Variants in WDPCP observed in about 807,000 individuals in gnomAD.
The protein encoded by WDPCP is WD repeat-containing and planar cell polarity effector protein fritz homolog.
Under a neutral mutation model 93.1 loss-of-function variants are expected in WDPCP, and 71 were observed. The ratio of observed to expected loss-of-function variants is 0.76; its 90% CI spans 0.63 to 0.93. WDPCP has a LOEUF of 0.93. Among genes scored for constraint, WDPCP ranks in the 40% least tolerant of loss-of-function variants. The pLI is 0.00. For synonymous variants in WDPCP, 315 were observed against 315.0 expected (o/e 1.00, Z 0.00); for missense variants, 844 against 887.4 (o/e 0.95, Z 0.62).
At chr2:63,840,264 G>GTAACAGTCCT in the WDPCP span, among the ~76,000 whole-genome samples, 1 of 152,216 alleles carries the variant, frequency 6.6e-6, no homozygotes, top group Non-Finnish European at 1.5e-5. Flanking sequence ...GACAAGCCGT[G>GTAACAGTCCT]GGCTGGCCCT....
chr2:63,761,449 C>G (rs921027520), intron 2 of WDPCP, among the ~76,000 whole-genome samples: 1 of 152,142 alleles, frequency 6.6e-6, no homozygotes, highest in African/African-American at 2.4e-5. Context: ...TGATATTCTT[C>G]CTTTTTCTAG....
intron 3 of WDPCP, chr2:63,599,038 A>G: frequency 2.9e-6 from 2 of 686,126 alleles, no homozygotes; most frequent in South Asian, 3.5e-5. Flanking sequence ...TTCCTATGCT[A>G]TATTGTATTT....
intron 12 of WDPCP, among the ~76,000 whole-genome samples, chr2:63,329,045 TAAG>T (rs1246024777): frequency 5.9e-5 from 9 of 152,224 alleles, no homozygotes; most frequent in Admixed American, 2.6e-4. Flanking sequence ...ACTTTCATGA[TAAG>T]AACACTTAAG....
intron 9 of WDPCP, among the ~76,000 whole-genome samples, chr2:63,406,954 C>T (rs1433738804): frequency 1.3e-5 from 2 of 152,128 alleles, no homozygotes; most frequent in East Asian, 3.8e-4. Context: ...TTCTCAATTT[C>T]CTTCAGCTTT....
At chr2:63,509,373 C>T (rs950612049) in intron 1 of WDPCP, among the ~76,000 whole-genome samples, 3 of 152,268 alleles carry the variant, frequency 2.0e-5, no homozygotes, top group African/African-American at 7.2e-5. Context: ...TAAATAAGTT[C>T]TTTGAAACCA....
intron 12 of WDPCP, among the ~76,000 whole-genome samples, chr2:63,372,984 A>T (rs1691528457): frequency 6.6e-6 from 1 of 152,052 alleles, no homozygotes; most frequent in Non-Finnish European, 1.5e-5. Flanking sequence ...TTAGCCGGGC[A>T]TGGTGGCGCA....
At chr2:63,361,717 GT>G (rs1388048227) in intron 12 of WDPCP, among the ~76,000 whole-genome samples, 1 of 152,100 alleles carries the variant, frequency 6.6e-6, no homozygotes, top group Non-Finnish European at 1.5e-5. Flanking sequence ...TGTTGTTGTT[GT>G]TTTCTTTATT....
At chr2:63,352,910 C>T (rs1191402025) in intron 12 of WDPCP, among the ~76,000 whole-genome samples, 1 of 151,972 alleles carries the variant, frequency 6.6e-6, no homozygotes, top group Non-Finnish European at 1.5e-5. Flanking sequence ...AATGGTTATG[C>T]TAATAAAAAA....
At chr2:63,394,443 C>A (rs1041426347) in intron 10 of WDPCP, among the ~76,000 whole-genome samples, 2 of 151,688 alleles carry the variant, frequency 1.3e-5, no homozygotes, top group Non-Finnish European at 2.9e-5. Context: ...CTAGTGGGAA[C>A]GTAAATTAGC....
At chr2:63,208,014 C>T (rs968355997) in intron 14 of WDPCP, among the ~76,000 whole-genome samples, 7 of 152,014 alleles carry the variant, frequency 4.6e-5, no homozygotes, top group Non-Finnish European at 1.0e-4. Flanking sequence ...AGTTAATGTT[C>T]ATTTCTAACA....
chr2:63,189,070 T>A (rs1674849541), intron 14 of WDPCP, among the ~76,000 whole-genome samples: 1 of 152,198 alleles, frequency 6.6e-6, no homozygotes, highest in Non-Finnish European at 1.5e-5. Flanking sequence ...TCTTCTTTCC[T>A]GTGTCTTCGC....
Position 63,433,941 on chromosome 2 carries a change from C to T in WDPCP, c.634-5G>A. ...GGGTATTTCATAATAGAAAATCTAA[C>T]AATTTTAAAAAAGCATACATGAAAC... On this transcript the variant is annotated splice_region_variant and splice_polypyrimidine_tract_variant and intron_variant, in intron 8 of 17. Transcript: ENST00000272321. 1 of 1,612,700 alleles carries T rather than the reference C, an allele frequency of 6.2e-7. No homozygotes were observed. The highest frequency in any genetic ancestry group is 2.2e-5 in the East Asian group (1 of 44,852).
intron 1 of WDPCP, among the ~76,000 whole-genome samples, chr2:63,547,215 G>A (rs1166965227): frequency 6.6e-6 from 1 of 151,952 alleles, no homozygotes; most frequent in African/African-American, 2.4e-5. Flanking sequence ...TCCTATCCCA[G>A]TTAGAATGGC....
intron 1 of WDPCP, among the ~76,000 whole-genome samples, chr2:63,815,579 T>C (rs1383984546): frequency 6.6e-6 from 1 of 152,204 alleles, no homozygotes; most frequent in Non-Finnish European, 1.5e-5. Flanking sequence ...AAGCTTTCAT[T>C]GCAAAGTGAC....
At chr2:63,588,973 C>T (rs1709078572), upstream of WDPCP, 2 of 1,608,758 alleles carry the variant, frequency 1.2e-6, no homozygotes, top group Non-Finnish European at 8.5e-7. Context: ...GAGTCAGTTC[C>T]GCGGTAGAGG....
At chr2:63,754,540 G>T (rs1669931494) in intron 2 of WDPCP, among the ~76,000 whole-genome samples, 1 of 152,166 alleles carries the variant, frequency 6.6e-6, no homozygotes, top group Non-Finnish European at 1.5e-5. Context: ...GGAAGAAATA[G>T]AATACAAAGT....
chr2:63,317,119 C>T (rs1686703222), intron 12 of WDPCP, among the ~76,000 whole-genome samples: 1 of 152,146 alleles, frequency 6.6e-6, no homozygotes, highest in Admixed American at 6.5e-5. Flanking sequence ...GGCCATACTA[C>T]AGATTCAATG....
chr2:63,712,477 A>T (rs1669277079), intron 2 of WDPCP, among the ~76,000 whole-genome samples: 1 of 152,214 alleles, frequency 6.6e-6, no homozygotes, highest in Admixed American at 6.5e-5. Flanking sequence ...AACTTTAGAG[A>T]TCTAACTAGC....
At chr2:63,212,264 A>T (rs1676886025) in intron 14 of WDPCP, among the ~76,000 whole-genome samples, 2 of 152,334 alleles carry the variant, frequency 1.3e-5, no homozygotes, top group South Asian at 4.1e-4. Context: ...CTAACAGCAG[A>T]TCTCTTCACA....
Sources: allele counts gnomAD v4.1 joint callset (sites outside exome capture counted in the v4.1 genomes callset), GRCh38; gene constraint gnomAD v4.1.1; transcripts MANE v1.5; gene names NCBI Gene and HGNC (gene_info 2026-07-23, HGNC 2026-07-21).